The following CNTN5 variants were observed in gnomAD, a reference collection of about 807,000 sequenced individuals.
CNTN5 encodes the protein contactin 5.
CNTN5 carries 77 observed loss-of-function variants against 129.1 expected under a neutral mutation model. That is an observed-to-expected ratio of 0.60 (90% CI 0.50 to 0.72). The LOEUF (loss-of-function observed/expected upper bound fraction) is 0.72. Among genes scored for constraint, CNTN5 ranks in the 30% least tolerant of loss-of-function variants. CNTN5 has a pLI of 0.00. For missense variants in CNTN5, 1,478 were observed against 1,328.8 expected (o/e 1.11, Z -1.75); for synonymous variants, 509 against 465.6 (o/e 1.09, Z -1.20).
At chr11:99,748,630 T>A (rs1406984709) in intron 3 of CNTN5, among the ~76,000 whole-genome samples, 1 of 152,096 alleles carries the variant, frequency 6.6e-6, no homozygotes, top group Non-Finnish European at 1.5e-5. Context: ...CCTGAGAACT[T>A]GAGTGGGGTG....
At chr11:99,749,867 C>A (rs1944174184) in intron 3 of CNTN5, among the ~76,000 whole-genome samples, 1 of 152,218 alleles carries the variant, frequency 6.6e-6, no homozygotes, top group Non-Finnish European at 1.5e-5. Context: ...AGCCACATAA[C>A]TATGCTTTGG....
chr11:100,001,934 TAAC>T lies in CNTN5; in HGVS notation c.878-96_878-94del, dbSNP rs1939900037. 3.6e-6 allele frequency: 3 copies of T among 842,424 alleles called. No individual in the cohort carries two copies. The Admixed American group carries it at 9.5e-5, about 27-fold the overall frequency. The allele number at this position is 842,424 out of a possible 1,614,324, so 52.2% of individuals were successfully genotyped here. The stretch of plus-strand genomic sequence containing the variant: ...AATTTAACAGTCATCAAACAGACAT[TAAC>T]AACCAAACCACAGTGATTTTCAATG... On this transcript the variant is annotated intron_variant, in intron 8 of 24. Transcript: ENST00000524871.
chr11:99,471,719 T>C (rs565354250), intron 2 of CNTN5, among the ~76,000 whole-genome samples: 15 of 152,194 alleles, frequency 9.9e-5, no homozygotes, highest in African/African-American at 2.9e-4. Context: ...GTACCCAAGA[T>C]GGGCCATGCA....
intron 21 of CNTN5, among the ~76,000 whole-genome samples, chr11:100,336,654 GAAAC>G (rs923736076): frequency 1.3e-5 from 2 of 152,116 alleles, no homozygotes; most frequent in Non-Finnish European, 2.9e-5. Flanking sequence ...TACATCTGAG[GAAAC>G]AAACTAAATA....
chr11:100,183,761 C>T (rs11223128), intron 13 of CNTN5, among the ~76,000 whole-genome samples: 13,094 of 152,098 alleles, frequency 0.086, 748 homozygotes, highest in Non-Finnish European at 0.12. Context: ...TAAACATGTG[C>T]GATTATATGC....
At chr11:100,135,038 G>C (rs1565274221) in intron 13 of CNTN5, among the ~76,000 whole-genome samples, 1 of 151,818 alleles carries the variant, frequency 6.6e-6, no homozygotes, top group African/African-American at 2.4e-5. Context: ...TTCATTTAGG[G>C]GTTTATTATT....
At chr11:100,023,857 C>A (rs1265591254) in intron 9 of CNTN5, among the ~76,000 whole-genome samples, 1 of 151,580 alleles carries the variant, frequency 6.6e-6, no homozygotes, top group Admixed American at 6.6e-5. Context: ...TTTTTTAATA[C>A]TTCATGTTGT....
chr11:100,054,857 A>G (rs1565833127), intron 9 of CNTN5, among the ~76,000 whole-genome samples: 1 of 151,764 alleles, frequency 6.6e-6, no homozygotes, highest in East Asian at 1.9e-4. Flanking sequence ...ACAATTTTGT[A>G]CTTTTCTCTA....
chr11:99,076,400 A>G (rs770237534), intron 1 of CNTN5, among the ~76,000 whole-genome samples: 3 of 152,106 alleles, frequency 2.0e-5, no homozygotes, highest in Non-Finnish European at 4.4e-5. Context: ...CATTGTTGGT[A>G]AAAGTGCTGT....
intron 9 of CNTN5, among the ~76,000 whole-genome samples, chr11:100,029,873 G>C (rs1335288021): frequency 6.6e-6 from 1 of 151,998 alleles, no homozygotes; most frequent in Non-Finnish European, 1.5e-5. Context: ...GACCAATACT[G>C]TCTGTTAAAT....
intron 3 of CNTN5, among the ~76,000 whole-genome samples, chr11:99,768,379 A>T (rs1185465549): frequency 6.6e-6 from 1 of 152,118 alleles, no homozygotes; most frequent in Non-Finnish European, 1.5e-5. Context: ...CTCCTACATG[A>T]TCACAACATT....
Position 99,395,380 on chromosome 11 carries a change from T to C in CNTN5, c.-71+69896T>C, listed in dbSNP as rs531606237. Among the ~76,000 whole-genome samples the C allele has an allele frequency of 2.6e-4, 40 of 151,924 alleles. 1 individual carries two copies. In the South Asian group the frequency reaches 8.3e-3, roughly 31 times the overall value. ...TTCATGTCCTTTACTCATTTTTGAA[T>C]GGTATTGTTTGTTGGTTTTCTTGTA... is the stretch of plus-strand genomic sequence containing the variant. On this transcript the variant is annotated intron_variant, in intron 2 of 24. Coordinates refer to ENST00000524871, the MANE Select transcript of CNTN5 (RefSeq NM_014361.4).
At chr11:99,867,830 G>A (rs938596858) in intron 6 of CNTN5, among the ~76,000 whole-genome samples, 3 of 152,158 alleles carry the variant, frequency 2.0e-5, no homozygotes, top group South Asian at 2.1e-4. Context: ...TGTGGACAAC[G>A]TTGAATTGTT....
At chr11:99,267,240 A>G (rs2135843922) in intron 1 of CNTN5, among the ~76,000 whole-genome samples, 1 of 152,234 alleles carries the variant, frequency 6.6e-6, no homozygotes, top group African/African-American at 2.4e-5. Flanking sequence ...GGTTGTTCAT[A>G]GAAAATGCAA....
chr11:99,731,751 A>T (rs1183422869), intron 3 of CNTN5, among the ~76,000 whole-genome samples: 3 of 152,194 alleles, frequency 2.0e-5, no homozygotes, highest in African/African-American at 7.2e-5. Context: ...CCCCCAGACT[A>T]GAGTAGATGC....
At chr11:99,095,016 A>T (rs969033646) in intron 1 of CNTN5, among the ~76,000 whole-genome samples, 2 of 151,768 alleles carry the variant, frequency 1.3e-5, no homozygotes, top group Admixed American at 6.6e-5. Flanking sequence ...AACTTCTGGG[A>T]TACATGTGCA....
At chr11:99,926,620 T>C (rs1416615597) in intron 7 of CNTN5, among the ~76,000 whole-genome samples, 1 of 152,126 alleles carries the variant, frequency 6.6e-6, no homozygotes, top group Non-Finnish European at 1.5e-5. Flanking sequence ...TCTTACAAAA[T>C]AGTAAGATAC....
At chr11:99,949,888 T>C (rs1950633858) in intron 7 of CNTN5, among the ~76,000 whole-genome samples, 1 of 152,224 alleles carries the variant, frequency 6.6e-6, no homozygotes, top group Non-Finnish European at 1.5e-5. Flanking sequence ...TTATACATAT[T>C]ATTTTATTTA....
At chr11:99,818,322 C>T (rs1043295375) in intron 3 of CNTN5, among the ~76,000 whole-genome samples, 3 of 151,176 alleles carry the variant, frequency 2.0e-5, no homozygotes, top group Admixed American at 6.6e-5. Context: ...GTGGCATGAT[C>T]GCAGCTCACT....
Sources: allele counts gnomAD v4.1 joint callset (sites outside exome capture counted in the v4.1 genomes callset), GRCh38; gene constraint gnomAD v4.1.1; transcripts MANE v1.5; gene names NCBI Gene and HGNC (gene_info 2026-07-23, HGNC 2026-07-21).